Variants in AKAP10 observed in about 807,000 individuals in gnomAD.
The protein encoded by AKAP10 is A-kinase anchoring protein 10, also known as A-kinase anchor protein 10, mitochondrial.
AKAP10 carries 24 observed loss-of-function variants against 80.8 expected under a neutral mutation model. The observed-to-expected ratio is 0.30, with a 90% CI of 0.22 to 0.42. The LOEUF (loss-of-function observed/expected upper bound fraction) is 0.42, where lower values mean the gene tolerates loss of function less well. AKAP10 is among the 10% of genes least tolerant of loss of function. The pLI, the probability that AKAP10 is intolerant of heterozygous loss-of-function variation, is 1.00. For missense variants in AKAP10, 661 were observed against 794.9 expected (o/e 0.83, Z 2.03); for synonymous variants, 291 against 277.7 (o/e 1.05, Z -0.48).
chr17:19,938,681 A>G (rs1330402425), intron 8 of AKAP10, among the ~76,000 whole-genome samples: 1 of 151,524 alleles, frequency 6.6e-6, no homozygotes, highest in African/African-American at 2.4e-5. Context: ...TCTATCCCCA[A>G]GTTACCCCTT....
intron 4 of AKAP10, among the ~76,000 whole-genome samples, chr17:19,957,501 C>T (rs561607955): frequency 1.3e-5 from 2 of 151,556 alleles, no homozygotes; most frequent in Non-Finnish European, 1.5e-5. Context: ...CGCCATTGCA[C>T]TCCAGCCTGG....
intron 4 of AKAP10, among the ~76,000 whole-genome samples, chr17:19,957,802 A>G (rs1047039471): frequency 6.6e-6 from 1 of 151,884 alleles, no homozygotes; most frequent in Non-Finnish European, 1.5e-5. Context: ...ACTAATTCTG[A>G]TAACACACTT....
intron 4 of AKAP10, among the ~76,000 whole-genome samples, chr17:19,950,106 C>A (rs1048496985): frequency 6.6e-6 from 1 of 152,134 alleles, no homozygotes; most frequent in Admixed American, 6.6e-5. Context: ...AGTTCAAGAC[C>A]AGCCTGGCCA....
At chr17:19,906,586 G>C (rs2042633621) in intron 14 of AKAP10, among the ~76,000 whole-genome samples, 1 of 152,146 alleles carries the variant, frequency 6.6e-6, no homozygotes, top group Non-Finnish European at 1.5e-5. Context: ...CAAGAGGGAT[G>C]GTAAAGACAC....
At chr17:19,945,352 C>T (rs1357307568) in intron 5 of AKAP10, among the ~76,000 whole-genome samples, 4 of 152,130 alleles carry the variant, frequency 2.6e-5, no homozygotes, top group African/African-American at 9.7e-5. Flanking sequence ...AATCACTAGC[C>T]AACCAATTCT....
chr17:19,953,968 G>A (rs779108196), intron 4 of AKAP10, among the ~76,000 whole-genome samples: 4 of 151,996 alleles, frequency 2.6e-5, no homozygotes, highest in Non-Finnish European at 5.9e-5. Flanking sequence ...GGAGGCAGAG[G>A]TTGCAGTAAG....
chr17:19,947,873 G>T (rs2043152458), intron 4 of AKAP10, among the ~76,000 whole-genome samples: 1 of 151,350 alleles, frequency 6.6e-6, no homozygotes, highest in Non-Finnish European at 1.5e-5. Context: ...TAAAATGGAA[G>T]AATAAACATC....
At chr17:19,925,757 T>C (rs2042869568) in intron 10 of AKAP10, among the ~76,000 whole-genome samples, 1 of 150,626 alleles carries the variant, frequency 6.6e-6, no homozygotes, top group Non-Finnish European at 1.5e-5. Context: ...GAAGGAACAA[T>C]CTCCAAGATA....
intron 1 of AKAP10, among the ~76,000 whole-genome samples, chr17:19,976,753 G>A (rs2043573060): frequency 6.6e-6 from 1 of 152,092 alleles, no homozygotes; most frequent in African/African-American, 2.4e-5. Context: ...CCCGATCTCA[G>A]GTGATCCACC....
chr17:19,931,681 G>A (rs2042935076), intron 10 of AKAP10, 124 bp downstream of exon 10: 3 of 1,200,642 alleles, frequency 2.5e-6, no homozygotes, highest in Non-Finnish European at 3.4e-6. Flanking sequence ...ACAGGCCACT[G>A]TGCCTGGCTT....
Position 19,968,428 on chromosome 17 carries a change from A to T in AKAP10, c.122T>A (p.Val41Glu), listed in dbSNP as rs200211885. 1.9e-6 allele frequency: 3 copies of T among 1,613,732 alleles called. No individual in the cohort carries two copies. Among genetic ancestry groups the T allele is most frequent in the South Asian group, 1.1e-5 (1 of 91,002 alleles). The change falls in exon 2 of 15, where the codon GTG (valine) becomes GAG (glutamate). Residue 41 changes from valine to glutamate, a missense_variant. Coordinates refer to ENST00000225737, the MANE Select transcript of AKAP10 (RefSeq NM_007202.4). ...KGKEQEKTSD[V>E]KSIKASISVH... ...GCAGAACTTACCTTTAATGGACTTC[A>T]CATCTGAGGTCTTCTCTTGTTCTTT...
At chr17:19,950,751 C>G (rs552652445) in intron 4 of AKAP10, among the ~76,000 whole-genome samples, 286 of 151,896 alleles carry the variant, frequency 1.9e-3, no homozygotes, top group Non-Finnish European at 3.7e-3. Flanking sequence ...AAGTGAGGAG[C>G]GTCTCTGCCT....
rs372597654 is a variant in AKAP10 at position 19,925,130 on chromosome 17, C to T, written c.1642-613G>A. On this transcript the variant is annotated intron_variant, in intron 10 of 14. Coordinates refer to ENST00000225737, the MANE Select transcript of AKAP10 (RefSeq NM_007202.4). ...AGTGAGCCAAGATTGTACCACTGCACGCTGGCCTGGGCGACAGAGGAAGAC... is the reference window on the plus strand; with the variant it reads ...AGTGAGCCAAGATTGTACCACTGCATGCTGGCCTGGGCGACAGAGGAAGAC... Among the ~76,000 whole-genome samples, 19 of 152,000 alleles carry T rather than the reference C, an allele frequency of 1.3e-4. No homozygotes were observed. The East Asian group carries it at 1.5e-3, about 12-fold the overall frequency.
intron 8 of AKAP10, among the ~76,000 whole-genome samples, chr17:19,938,630 T>C (rs1404183273): frequency 3.3e-5 from 5 of 152,216 alleles, no homozygotes; most frequent in African/African-American, 1.2e-4. Flanking sequence ...CTGGCCTAGA[T>C]ACTATTAGTG....
At chr17:19,936,523 C>G (rs922783247) in intron 8 of AKAP10, 93 bp from the exon 9 acceptor site, 2 of 1,254,898 alleles carry the variant, frequency 1.6e-6, no homozygotes, top group East Asian at 5.0e-5. Flanking sequence ...TACAAGGCTA[C>G]TTGATTGAGC....
At chr17:19,975,282 A>G (rs1036390983) in intron 1 of AKAP10, among the ~76,000 whole-genome samples, 1 of 152,096 alleles carries the variant, frequency 6.6e-6, no homozygotes, top group Admixed American at 6.6e-5. Flanking sequence ...GCCTCCTAAA[A>G]TACTGGGATT....
Position 19,924,416 on chromosome 17 carries a change from T to A in AKAP10, c.1743A>T (p.Thr581=). The part of the protein sequence containing the change: ...SLDPESLYQR[T]YAGKMTFGRV... ...GCATGAGCTAAGCTTACCCGGCATA[T>A]GTCCGTTGATATAAAGATTCTGGAT... is the stretch of plus-strand genomic sequence containing the variant. Residue 581 remains threonine, a synonymous_variant, in exon 11 of 15, where the codon ACA becomes ACT. Coordinates refer to ENST00000225737, the MANE Select transcript of AKAP10 (RefSeq NM_007202.4). 1.3e-6 allele frequency: 2 copies of A among 1,589,670 alleles called. No homozygotes were observed. The highest frequency in any genetic ancestry group is 1.7e-6 in the Non-Finnish European group (2 of 1,166,434).
chr17:19,932,511 A>G (rs2042947277), intron 9 of AKAP10, among the ~76,000 whole-genome samples: 1 of 151,930 alleles, frequency 6.6e-6, no homozygotes, highest in East Asian at 1.9e-4. Flanking sequence ...CTCCCCCAAA[A>G]TATTTGTCAC....
chr17:19,974,367 C>T (rs1423295102), intron 1 of AKAP10, among the ~76,000 whole-genome samples: 2 of 152,114 alleles, frequency 1.3e-5, no homozygotes, highest in Non-Finnish European at 2.9e-5. Flanking sequence ...AACACAAATT[C>T]GTAAACTTTC....
Sources: allele counts gnomAD v4.1 joint callset (sites outside exome capture counted in the v4.1 genomes callset), GRCh38; gene constraint gnomAD v4.1.1; transcripts MANE v1.5; gene names NCBI Gene and HGNC (gene_info 2026-07-23, HGNC 2026-07-21).